The following ADAMDEC1 variants were observed in gnomAD, a reference collection of about 807,000 sequenced individuals.
The protein encoded by ADAMDEC1 is ADAM DEC1.
Under a neutral mutation model 60.4 loss-of-function variants are expected in ADAMDEC1, and 62 were observed. That is an observed-to-expected ratio of 1.03 (90% confidence interval 0.84 to 1.27). The LOEUF (loss-of-function observed/expected upper bound fraction) is 1.27. Among genes scored for constraint, ADAMDEC1 ranks in the 50% most tolerant of loss-of-function variants. ADAMDEC1 has a pLI of 0.00. For missense variants in ADAMDEC1, 595 were observed against 565.0 expected, an observed-to-expected ratio of 1.05 and a Z score of -0.54; for synonymous variants, 210 against 195.1, an observed-to-expected ratio of 1.08 and a Z score of -0.64.
At chr8:24,404,220 G>A in intron 13 of ADAMDEC1, 132 bp downstream of exon 13, 1 of 747,624 alleles carries the variant, frequency 1.3e-6, no homozygotes, top group Non-Finnish European at 2.1e-6. Context: ...ACTCAATTTT[G>A]GAGAGGAAAA....
intron 1 of ADAMDEC1, among the ~76,000 whole-genome samples, chr8:24,388,899 A>G (rs146660812): frequency 4.1e-4 from 62 of 152,298 alleles, no homozygotes; most frequent in African/African-American, 1.4e-3. Context: ...AAGAGAAGCC[A>G]TGTCTATGTC....
intron 1 of ADAMDEC1, among the ~76,000 whole-genome samples, chr8:24,388,621 C>T (rs975212447): frequency 6.6e-6 from 1 of 152,182 alleles, no homozygotes; most frequent in Non-Finnish European, 1.5e-5. Flanking sequence ...GGGCTCAGTG[C>T]TTGATACTCT....
Position 24,404,091 on chromosome 8 carries a change from A to G in ADAMDEC1, c.1406+3A>G, listed in dbSNP as rs774781161. The G allele has an allele frequency of 6.2e-7, 1 of 1,612,448 alleles. No homozygotes were observed. The highest frequency in any genetic ancestry group is 1.3e-5 in the African/African-American group (1 of 74,894). On this transcript the variant is annotated splice_donor_region_variant and intron_variant, in intron 13 of 13. Transcript: ENST00000256412. ...GGAGATGCTCCAAACCATACCACGT[A>G]AGACCTTTTGTTTTCTTTGTTCCAA...
rs961297452 is a variant in ADAMDEC1, at chr8:24,384,424, G to A, written c.-81G>A. On this transcript the variant is annotated 5_prime_UTR_variant, in exon 1 of 14. It adds an upstream start codon to the 5' untranslated region. Transcript: ENST00000256412. ...AACATTCCCCAATCTCACACGAAAA[G>A]TGGGGGTTTTAATTTTCTTGTTCAA... 22 of 1,163,772 alleles carry A rather than the reference G, an allele frequency of 1.9e-5. No individual in the cohort carries two copies. The Middle Eastern group carries it at 5.9e-4, about 31-fold the overall frequency. 72.1% of individuals were successfully genotyped at this position (1,163,772 alleles called of 1,614,324 possible).
At position 24,398,952 on chromosome 8, in the gene ADAMDEC1, C is replaced by T. The variant is rs374544030; in HGVS notation, c.841C>T (p.Pro281Ser). 155 of 1,613,636 alleles carry T rather than the reference C, an allele frequency of 9.6e-5. No individual in the cohort carries two copies. The highest frequency in any genetic ancestry group is 1.2e-4 in the Non-Finnish European group (146 of 1,179,860). ...WSDGDKIKVV[P>S]SASTTFDNFL... ...TGATGGGGATAAGATAAAGGTGGTG[C>T]CCAGCGCAAGCACCACGTTTGACAA... Residue 281 changes from proline (P) to serine (S), a missense_variant, in exon 9 of 14, where the codon CCC becomes TCC. Pro to Ser is a moderately conservative substitution (Grantham distance 74). Coordinates refer to ENST00000256412, the MANE Select transcript of ADAMDEC1 (RefSeq NM_014479.3).
At position 24,399,035 on chromosome 8, in the gene ADAMDEC1, T is replaced by G. The variant is rs1817691493; in HGVS notation, c.924T>G (p.Leu308=). Reference sequence around the variant, plus strand: ...AAAAGATCCACGACCATGCTCAGCTTCTCAGGTGAGCACATGCTGGCCAGG... The same window carrying G: ...AAAAGATCCACGACCATGCTCAGCTGCTCAGGTGAGCACATGCTGGCCAGG... ...LGKKIHDHAQ[L]LSGISFNNRR... is the part of the protein sequence containing the mutation. Residue 308 remains leucine (L), a synonymous_variant, in exon 9 of 14, where the codon CTT becomes CTG. Transcript: ENST00000256412. The G allele has an allele frequency of 1.2e-6, 2 of 1,612,096 alleles. No individual in the cohort carries two copies. Among genetic ancestry groups the G allele is most frequent in the Non-Finnish European group, 1.7e-6 (2 of 1,179,198 alleles).
chr8:24,388,006 A>G (rs1563351384), intron 1 of ADAMDEC1: 1 of 152,306 alleles, frequency 6.6e-6, no homozygotes, highest in Non-Finnish European at 1.5e-5. Context: ...AGCAAAAACA[A>G]ACTGTAGGTA....
chr8:24,385,793 A>C (rs1817276077), intron 1 of ADAMDEC1, among the ~76,000 whole-genome samples: 1 of 152,190 alleles, frequency 6.6e-6, no homozygotes, highest in South Asian at 2.1e-4. Context: ...TTATTAAACA[A>C]AAATCAGATG....
intron 1 of ADAMDEC1, among the ~76,000 whole-genome samples, chr8:24,391,784 CT>C (rs1194007840): frequency 6.6e-6 from 1 of 151,976 alleles, no homozygotes; most frequent in Admixed American, 6.6e-5. Context: ...AAATGAAAAA[CT>C]TTATCTTTAG....
intron 11 of ADAMDEC1, among the ~76,000 whole-genome samples, chr8:24,400,632 C>CATATATAT (rs35748437): frequency 6.9e-6 from 1 of 145,822 alleles, no homozygotes; most frequent in African/African-American, 2.5e-5. Context: ...TGTTTCTTTT[C>CATATATAT]ATATATATAT....
intron 1 of ADAMDEC1, among the ~76,000 whole-genome samples, chr8:24,391,647 A>C (rs1449964430): frequency 6.6e-6 from 1 of 152,178 alleles, no homozygotes; most frequent in African/African-American, 2.4e-5. Flanking sequence ...GGCCAACAAA[A>C]ACTTTATTTC....
chr8:24,386,904 G>A (rs1003859017), intron 1 of ADAMDEC1, among the ~76,000 whole-genome samples: 5 of 152,170 alleles, frequency 3.3e-5, no homozygotes, highest in Non-Finnish European at 4.4e-5. Flanking sequence ...TGGCCAGAGA[G>A]CAGCTGTTAT....
chr8:24,386,663 C>T (rs1817300961), intron 1 of ADAMDEC1, among the ~76,000 whole-genome samples: 1 of 152,168 alleles, frequency 6.6e-6, no homozygotes, highest in African/African-American at 2.4e-5. Flanking sequence ...AACATTTTCC[C>T]TCCTTCCTAC....
intron 4 of ADAMDEC1, among the ~76,000 whole-genome samples, chr8:24,394,730 A>C (rs948717021): frequency 3.3e-5 from 5 of 151,438 alleles, no homozygotes; most frequent in African/African-American, 1.2e-4. Context: ...CTAAACCTGC[A>C]TTTCTCTATA....
intron 4 of ADAMDEC1, 30 bp downstream of exon 4, chr8:24,394,177 T>C: frequency 6.5e-7 from 1 of 1,543,276 alleles, no homozygotes; most frequent in Non-Finnish European, 9.0e-7. Flanking sequence ...TGGGTCTCTT[T>C]TGAGTTTTAG....
rs145772229 is a variant in ADAMDEC1 at position 24,388,926 on chromosome 8, C to T, written c.89-3336C>T. 1.5e-4 allele frequency among the ~76,000 whole-genome samples: 23 copies of T among 152,232 alleles called. No homozygotes were observed. The East Asian group carries it at 4.5e-3, about 29-fold the overall frequency. On this transcript the variant is annotated intron_variant, in intron 1 of 13. Transcript: ENST00000256412. ...GTCTATGTCCTGAGTGGTGACAAGA[C>T]AAGACAGATGGTGGATCCCTATTCC...
At chr8:24,401,781 A>G (rs1329020786) in intron 11 of ADAMDEC1, 134 bp from the exon 12 acceptor site, 3 of 778,860 alleles carry the variant, frequency 3.9e-6, no homozygotes, top group Non-Finnish European at 5.9e-6. Context: ...TGGTTGCCAA[A>G]TTTGGAATTT....
At chr8:24,387,766 C>T (rs1209197668) in intron 1 of ADAMDEC1, 1 of 152,236 alleles carries the variant, frequency 6.6e-6, no homozygotes, top group African/African-American at 2.4e-5. Context: ...AGTCACTTCA[C>T]TTTCATTCTC....
At chr8:24,388,582 T>TCTC (rs139350364) in intron 1 of ADAMDEC1, among the ~76,000 whole-genome samples, 3,543 of 152,248 alleles carry the variant, frequency 0.023, 134 homozygotes, top group African/African-American at 0.082. Flanking sequence ...TTCCTCCTCT[T>TCTC]CTCAATTTCC....
Sources: gnomAD v4.1 joint callset for allele counts (sites outside exome capture counted in the v4.1 genomes callset) on GRCh38, gnomAD v4.1.1 for gene constraint, MANE v1.5 for transcripts, NCBI Gene and HGNC (gene_info 2026-07-23, HGNC 2026-07-21) for gene names.